The following RPN2 variants were observed in gnomAD, a reference collection of about 807,000 sequenced individuals.
RPN2 encodes ribophorin II, also known as dolichyl-diphosphooligosaccharide--protein glycosyltransferase subunit 2.
A neutral mutation model predicts 71.4 loss-of-function variants in RPN2; 29 were observed. The observed-to-expected ratio is 0.41, with a 90% CI of 0.30 to 0.55. The LOEUF (loss-of-function observed/expected upper bound fraction) is 0.55. Ranked by LOEUF, RPN2 falls within the 20% of genes least tolerant of loss-of-function variation. The pLI is 0.35. For missense variants in RPN2, 726 were observed against 774.1 expected, an observed-to-expected ratio of 0.94 and a Z score of 0.74; for synonymous variants, 308 against 305.0, an observed-to-expected ratio of 1.01 and a Z score of -0.10.
At chr20:37,236,301 C>G (rs1032371415) in intron 15 of RPN2, among the ~76,000 whole-genome samples, 1 of 152,052 alleles carries the variant, frequency 6.6e-6, no homozygotes, top group African/African-American at 2.4e-5. Context: ...CTGTGTTGCC[C>G]AGGGTGGTCT....
intron 2 of RPN2, among the ~76,000 whole-genome samples, chr20:37,192,439 A>C (rs1358926236): frequency 6.6e-6 from 1 of 152,232 alleles, no homozygotes; most frequent in Non-Finnish European, 1.5e-5. Context: ...GTACCATGGG[A>C]GTCCAGCAGA....
intron 7 of RPN2, among the ~76,000 whole-genome samples, chr20:37,209,754 A>G (rs919357896): frequency 1.3e-5 from 2 of 152,140 alleles, no homozygotes; most frequent in Non-Finnish European, 2.9e-5. Flanking sequence ...AAGCACTGCA[A>G]TTATAGGCAT....
rs144146477 is a variant in RPN2 at position 37,228,552 on chromosome 20, A to G, written c.1302A>G (p.Thr434=). 119 of 1,613,838 alleles carry G rather than the reference A, an allele frequency of 7.4e-5. 1 individual carries two copies. The highest frequency in any genetic ancestry group is 2.5e-4 in the South Asian group (23 of 91,082). Residue 434 remains threonine (T), a splice_region_variant and synonymous_variant, in exon 12 of 17, where the codon ACA becomes ACG. Coordinates refer to ENST00000237530, the MANE Select transcript of RPN2 (RefSeq NM_002951.5). ...GATTGTATTATTCTTCCATCTAGAC[A>G]TTTGTCCGACTCCATAACCAGAAGA... ...NTGAELTPHQ[T]FVRLHNQKTG...
At chr20:37,207,525 G>C in intron 7 of RPN2, 76 bp downstream of exon 7, 1 of 1,396,522 alleles carries the variant, frequency 7.2e-7, no homozygotes, top group Non-Finnish European at 1.0e-6. Flanking sequence ...CTGGACTATG[G>C]TCACAGCCAA....
At chr20:37,179,538 C>T (rs2146487948) in intron 1 of RPN2, 169 bp downstream of exon 1, 1 of 1,393,266 alleles carries the variant, frequency 7.2e-7, no homozygotes, top group Non-Finnish European at 9.3e-7. Flanking sequence ...GGGCTGCGAG[C>T]TGGTGGGAGT....
intron 8 of RPN2, among the ~76,000 whole-genome samples, chr20:37,212,233 C>T (rs1297275020): frequency 1.3e-5 from 2 of 152,060 alleles, no homozygotes; most frequent in Admixed American, 6.5e-5. Context: ...GAGCCATGAT[C>T]ATACCATATC....
chr20:37,226,450 A>G (rs1307342183), intron 11 of RPN2, among the ~76,000 whole-genome samples: 1 of 152,146 alleles, frequency 6.6e-6, no homozygotes, highest in Admixed American at 6.5e-5. Flanking sequence ...CTTTGGAGGC[A>G]GAGGTAGGAG....
chr20:37,229,892 T>A (rs1002570871), intron 12 of RPN2, 81 bp from the exon 13 acceptor site: 3 of 1,059,614 alleles, frequency 2.8e-6, no homozygotes, highest in Admixed American at 3.4e-5. Flanking sequence ...TGGTCTTAGA[T>A]GTGAGTCAGA....
chr20:37,180,682 A>G lies in RPN2; in HGVS notation c.13+1313A>G, dbSNP rs990599613. Among the ~76,000 whole-genome samples the G allele has an allele frequency of 2.6e-5, 4 of 152,322 alleles. No individual in the cohort carries two copies. In the East Asian group the frequency reaches 7.7e-4, roughly 29 times the overall value. ...CGCTCTCTCTTAGGTCTTTCTGTCC[A>G]TTAGCAGTTTCTGATAGGCTTTGAC... On this transcript the variant is annotated intron_variant, in intron 1 of 16. Transcript: ENST00000237530.
intron 15 of RPN2, among the ~76,000 whole-genome samples, chr20:37,234,419 G>C (rs2068328237): frequency 6.6e-6 from 1 of 152,206 alleles, no homozygotes; most frequent in Non-Finnish European, 1.5e-5. Flanking sequence ...TGGATGAAGA[G>C]CATTAATGCA....
chr20:37,233,899 C>A, intron 14 of RPN2, 121 bp from the exon 15 acceptor site: 2 of 1,078,762 alleles, frequency 1.9e-6, no homozygotes, highest in Non-Finnish European at 2.8e-6. Flanking sequence ...ATTGCCTGTC[C>A]TTCTAGGATG....
At chr20:37,227,555 G>A (rs2068109378) in intron 11 of RPN2, among the ~76,000 whole-genome samples, 1 of 152,204 alleles carries the variant, frequency 6.6e-6, no homozygotes, top group Non-Finnish European at 1.5e-5. Flanking sequence ...TGCTTTGGTG[G>A]TGGTTCTTTG....
intron 2 of RPN2, among the ~76,000 whole-genome samples, chr20:37,191,464 G>A (rs62208260): frequency 6.6e-6 from 1 of 152,020 alleles, no homozygotes; most frequent in Admixed American, 6.6e-5. Context: ...GTGACAGAGC[G>A]AGACCCTGTC....
At chr20:37,204,051 A>G in intron 5 of RPN2, 91 bp downstream of exon 5, 2 of 876,004 alleles carry the variant, frequency 2.3e-6, no homozygotes, top group Non-Finnish European at 3.8e-6. Context: ...ATCTGTTACT[A>G]CAGGTTACAT....
rs1183182009 is a variant in RPN2 at position 37,204,780 on chromosome 20, G to A, written c.569G>A (p.Arg190His). The change falls in exon 6 of 17, where the codon CGC (arginine) becomes CAC (histidine). Residue 190 changes from arginine (R) to histidine (H), a missense_variant. Physicochemically the swap from Arg to His is conservative, Grantham distance 29. Transcript: ENST00000237530. ...IVEEIEDLVA[R>H]LDELGGVYLQ... is the part of the protein sequence containing the mutation. ...TTGTTATGGCAGGACCTTGTTGCTC[G>A]CCTGGATGAACTCGGGGGCGTGTAT... 9.3e-6 allele frequency: 15 copies of A among 1,613,984 alleles called. No individual in the cohort carries two copies. Among genetic ancestry groups the A allele is most frequent in the Non-Finnish European group, 1.3e-5 (15 of 1,180,032 alleles).
At chr20:37,183,541 A>G (rs979926783) in intron 1 of RPN2, among the ~76,000 whole-genome samples, 1 of 152,176 alleles carries the variant, frequency 6.6e-6, no homozygotes, top group Non-Finnish European at 1.5e-5. Context: ...GGTAGATACT[A>G]TTATCACTTT....
At chr20:37,231,566 G>T (rs2068247295) in intron 13 of RPN2, among the ~76,000 whole-genome samples, 1 of 152,000 alleles carries the variant, frequency 6.6e-6, no homozygotes, top group Admixed American at 6.6e-5. Flanking sequence ...TAAAAATTAA[G>T]CTGGGTGTGG....
rs1346388930 is a variant in RPN2, at chr20:37,179,583, G to C, written c.13+214G>C. On this transcript the variant is annotated intron_variant, in intron 1 of 16. Coordinates refer to ENST00000237530, the MANE Select transcript of RPN2 (RefSeq NM_002951.5). ...CTGGCGGGGTTGGTGCCTGGGGGAG[G>C]GGTGCAGCGCGGAGCTACGGGTCGC... 3.9e-6 allele frequency: 5 copies of C among 1,284,472 alleles called. No individual in the cohort carries two copies. In the East Asian group the frequency reaches 1.4e-4, roughly 36 times the overall value. The allele number at this position is 1,284,472 out of a possible 1,614,324, so 79.6% of individuals were successfully genotyped here.
intron 4 of RPN2, among the ~76,000 whole-genome samples, chr20:37,203,144 C>T (rs956562843): frequency 3.9e-5 from 6 of 151,978 alleles, no homozygotes; most frequent in Admixed American, 1.3e-4. Context: ...AGGCTGGTTT[C>T]GAACCCCCAG....
Sources: allele counts gnomAD v4.1 joint callset (sites outside exome capture counted in the v4.1 genomes callset), GRCh38; gene constraint gnomAD v4.1.1; transcripts MANE v1.5; gene names NCBI Gene and HGNC (gene_info 2026-07-23, HGNC 2026-07-21).